Variants in TMEM232 observed in about 807,000 individuals in gnomAD.
TMEM232 encodes transmembrane protein 232.
A neutral mutation model predicts 78.8 loss-of-function variants in TMEM232; 80 were observed. The ratio of observed to expected loss-of-function variants is 1.01; its 90% CI spans 0.85 to 1.22. The LOEUF (loss-of-function observed/expected upper bound fraction) is 1.22. Among genes scored for constraint, TMEM232 ranks in the 50% most tolerant of loss-of-function variants. TMEM232 has a pLI of 0.00. For synonymous variants in TMEM232, 297 were observed against 254.3 expected (o/e 1.17, Z -1.60); for missense variants, 881 against 742.2 (o/e 1.19, Z -2.17).
chr5:110,716,252 AC>A (rs1225590993), intron 1 of TMEM232, among the ~76,000 whole-genome samples: 2 of 152,126 alleles, frequency 1.3e-5, no homozygotes, highest in Non-Finnish European at 2.9e-5. Context: ...GGCACCAGAG[AC>A]CAGTTTGGTG....
intron 11 of TMEM232, 59 bp from the exon 12 acceptor site, chr5:110,528,894 T>C (rs1480409257): frequency 1.6e-6 from 2 of 1,227,042 alleles, no homozygotes; most frequent in African/African-American, 1.6e-5. Context: ...AGAAAAAAAA[T>C]CGTGTATTAT....
intron 10 of TMEM232, among the ~76,000 whole-genome samples, chr5:110,596,418 C>T (rs368666412): frequency 7.2e-5 from 11 of 152,124 alleles, no homozygotes; most frequent in Non-Finnish European, 1.5e-4. Context: ...GATTCACAGC[C>T]GAATTCTACC....
At chr5:110,423,271 C>T (rs1051272615) in intron 13 of TMEM232, among the ~76,000 whole-genome samples, 5 of 152,246 alleles carry the variant, frequency 3.3e-5, no homozygotes, top group Non-Finnish European at 1.5e-5. Flanking sequence ...GGAATAGACT[C>T]ATTTACTTAA....
chr5:110,541,921 G>A (rs148517020), intron 11 of TMEM232, among the ~76,000 whole-genome samples: 25 of 152,168 alleles, frequency 1.6e-4, no homozygotes, highest in African/African-American at 6.0e-4. Context: ...CCCTAAATCA[G>A]GCCAAGAGAT....
chr5:110,436,671 A>G (rs1481960759), intron 12 of TMEM232, among the ~76,000 whole-genome samples: 1 of 152,072 alleles, frequency 6.6e-6, no homozygotes, highest in African/African-American at 2.4e-5. Flanking sequence ...ATTCTTCTGT[A>G]TATGGATATC....
At chr5:110,674,820 A>C (rs1209898304) in intron 1 of TMEM232, among the ~76,000 whole-genome samples, 2 of 152,186 alleles carry the variant, frequency 1.3e-5, no homozygotes, top group East Asian at 3.9e-4. Context: ...AGAACAAATA[A>C]ATCTAGTAAA....
At chr5:110,688,222 T>C (rs577972503) in intron 1 of TMEM232, among the ~76,000 whole-genome samples, 1 of 152,274 alleles carries the variant, frequency 6.6e-6, no homozygotes, top group Admixed American at 6.5e-5. Flanking sequence ...TGGATAACCA[T>C]ATAGATACAT....
intron 11 of TMEM232, among the ~76,000 whole-genome samples, chr5:110,547,586 C>A (rs6861501): frequency 0.01 from 1,586 of 152,130 alleles, 21 homozygotes; most frequent in African/African-American, 0.036. Context: ...AATGATGCAA[C>A]CCAAAATACT....
At chr5:110,509,558 A>G (rs189023268) in intron 12 of TMEM232, among the ~76,000 whole-genome samples, 1 of 152,294 alleles carries the variant, frequency 6.6e-6, no homozygotes, top group Admixed American at 6.5e-5. Context: ...TGGTATTTTG[A>G]TATGTGTAAA....
chr5:110,496,578 G>T (rs1378830592), intron 12 of TMEM232, among the ~76,000 whole-genome samples: 1 of 151,940 alleles, frequency 6.6e-6, no homozygotes, highest in Non-Finnish European at 1.5e-5. Context: ...TTCTGTTTAA[G>T]AATTTATGAG....
At chr5:110,462,704 AAT>A (rs1043924583) in intron 12 of TMEM232, among the ~76,000 whole-genome samples, 21 of 152,136 alleles carry the variant, frequency 1.4e-4, no homozygotes, top group African/African-American at 5.1e-4. Context: ...ATCTTGTGAT[AAT>A]ATGAGTCAAT....
chr5:110,637,763 A>G (rs1008145189), intron 5 of TMEM232, among the ~76,000 whole-genome samples: 1 of 152,070 alleles, frequency 6.6e-6, no homozygotes, highest in Non-Finnish European at 1.5e-5. Flanking sequence ...TTACCTGAAA[A>G]GAGTTTTTCA....
At chr5:110,691,176 T>C (rs1339119647) in intron 1 of TMEM232, among the ~76,000 whole-genome samples, 1 of 151,538 alleles carries the variant, frequency 6.6e-6, no homozygotes, top group Non-Finnish European at 1.5e-5. Flanking sequence ...AAGGAAGCTT[T>C]GGACAATGAG....
At chr5:110,576,003 T>G (rs569380415) in intron 10 of TMEM232, among the ~76,000 whole-genome samples, 5 of 152,164 alleles carry the variant, frequency 3.3e-5, no homozygotes, top group Admixed American at 2.0e-4. Context: ...GGAAAGAGGC[T>G]GAATCCAGGG....
At chr5:110,646,869 A>AT (rs1445422539) in intron 2 of TMEM232, among the ~76,000 whole-genome samples, 5 of 151,862 alleles carry the variant, frequency 3.3e-5, no homozygotes, top group African/African-American at 1.2e-4. Flanking sequence ...TAAAAAATGT[A>AT]CAGAGGACCT....
At chr5:110,687,632 G>GA (rs1793583759) in intron 1 of TMEM232, among the ~76,000 whole-genome samples, 1 of 151,656 alleles carries the variant, frequency 6.6e-6, no homozygotes, top group Non-Finnish European at 1.5e-5. Flanking sequence ...ATTGTTTTGG[G>GA]AAAAAAAGGT....
At chr5:110,640,299 C>G (rs1168553470) in intron 4 of TMEM232, among the ~76,000 whole-genome samples, 1 of 152,110 alleles carries the variant, frequency 6.6e-6, no homozygotes, top group East Asian at 1.9e-4. Context: ...GGGAAATTCT[C>G]TCTGAGCTCA....
At chr5:110,454,577 T>C (rs911391149) in intron 12 of TMEM232, among the ~76,000 whole-genome samples, 4 of 151,280 alleles carry the variant, frequency 2.6e-5, no homozygotes, top group Admixed American at 2.0e-4. Context: ...AAATAACCTA[T>C]GAGTCAAAGA....
chr5:110,652,294 G>GCGCACACA lies in TMEM232; in HGVS notation c.126-9924_126-9923insTGTGTGCG, dbSNP rs1554069154. On this transcript the variant is annotated intron_variant, in intron 2 of 13. Coordinates refer to ENST00000455884, the MANE Select transcript of TMEM232 (RefSeq NM_001039763.4). ...CAAGCACACAAAAGTGCACGCGCGC[G>GCGCACACA]CACACACACACACACACACACACAC... 8.1e-3 allele frequency among the ~76,000 whole-genome samples: 1,172 copies of GCGCACACA among 145,446 alleles called. 16 individuals are homozygous for GCGCACACA. Among genetic ancestry groups the GCGCACACA allele is most frequent in the African/African-American group, 0.025 (987 of 38,920 alleles).
Sources: allele counts gnomAD v4.1 joint callset (sites outside exome capture counted in the v4.1 genomes callset), GRCh38; gene constraint gnomAD v4.1.1; transcripts MANE v1.5; gene names NCBI Gene and HGNC (gene_info 2026-07-23, HGNC 2026-07-21).